CACNA2D3: variants seen among roughly 807,000 people sequenced by gnomAD.
The protein encoded by CACNA2D3 is voltage-dependent calcium channel subunit alpha-2/delta-3.
CACNA2D3 carries 60 observed loss-of-function variants against 160.6 expected under a neutral mutation model. That is an observed-to-expected ratio of 0.37 (90% CI 0.30 to 0.46). CACNA2D3 has a LOEUF of 0.46. Ranked by LOEUF, CACNA2D3 falls within the 20% of genes least tolerant of loss-of-function variation. CACNA2D3 has a pLI of 1.00. For missense variants in CACNA2D3, 1,205 were observed against 1,365.0 expected (o/e 0.88, Z 1.85); for synonymous variants, 558 against 492.9 (o/e 1.13, Z -1.75).
chr3:54,554,226 A>G (rs898413687), intron 5 of CACNA2D3, among the ~76,000 whole-genome samples: 3 of 152,148 alleles, frequency 2.0e-5, no homozygotes, highest in Admixed American at 6.5e-5. Flanking sequence ...CTTTCCACAG[A>G]CAGTAACTCT....
chr3:54,880,806 G>T lies in CACNA2D3; in HGVS notation c.1855G>T (p.Ala619Ser). 1 of 1,613,800 alleles carries T rather than the reference G, an allele frequency of 6.2e-7. No individual in the cohort carries two copies. Among genetic ancestry groups the T allele is most frequent in the Non-Finnish European group, 8.5e-7 (1 of 1,179,722 alleles). The change falls in exon 21 of 38, where the codon GCG becomes TCG. Residue 619 changes from alanine (A) to serine (S), a missense_variant. This residue lies in a region of CACNA2D3 where 911 missense variants were observed against 1,002.2 expected (regional missense o/e 0.91). Coordinates refer to ENST00000474759, the MANE Select transcript of CACNA2D3 (RefSeq NM_018398.3). ...TGTCTCTCTGCACAGTTTAGGTGTG[G>T]CGCTTTCCAGAGGTCATGGGAAATA... Reference protein sequence around the residue: ...IKGTPFSLGVALSRGHGKYFF... With the variant: ...IKGTPFSLGVSLSRGHGKYFF...
At chr3:54,472,492 C>G (rs189342523) in intron 4 of CACNA2D3, among the ~76,000 whole-genome samples, 28 of 150,950 alleles carry the variant, frequency 1.9e-4, no homozygotes, top group Admixed American at 1.8e-3. Flanking sequence ...ACACAACCCT[C>G]TCTCACCACT....
chr3:54,347,934 G>A (rs1001116422), intron 3 of CACNA2D3, among the ~76,000 whole-genome samples: 1 of 152,146 alleles, frequency 6.6e-6, no homozygotes, highest in Non-Finnish European at 1.5e-5. Flanking sequence ...TTTAATAAAT[G>A]TAATTGTATA....
chr3:54,705,043 C>T (rs763277605), intron 11 of CACNA2D3, among the ~76,000 whole-genome samples: 1 of 151,942 alleles, frequency 6.6e-6, no homozygotes, highest in Non-Finnish European at 1.5e-5. Context: ...CCAGCCCCTG[C>T]ACTGTCATCT....
At chr3:54,729,862 G>A (rs1213356249) in intron 11 of CACNA2D3, among the ~76,000 whole-genome samples, 1 of 151,948 alleles carries the variant, frequency 6.6e-6, no homozygotes, top group Non-Finnish European at 1.5e-5. Context: ...AGCTGGGCGT[G>A]ATGGCAGGCG....
intron 5 of CACNA2D3, among the ~76,000 whole-genome samples, chr3:54,550,208 A>G (rs1034926985): frequency 6.6e-6 from 1 of 152,178 alleles, no homozygotes; most frequent in African/African-American, 2.4e-5. Flanking sequence ...ACAAACGCCA[A>G]GGGTTAAGTG....
At position 54,928,246 on chromosome 3, in the gene CACNA2D3, C is replaced by G. The variant is rs139573065; in HGVS notation, c.2449+28378C>G. On this transcript the variant is annotated intron_variant, in intron 27 of 37. Coordinates refer to ENST00000474759, the MANE Select transcript of CACNA2D3 (RefSeq NM_018398.3). ...GCCGCGTAAAGAATGTTTGTCAAAC[C>G]TTGGTGAACAGCTGTAGCATTCAAA... Among the ~76,000 whole-genome samples the G allele has an allele frequency of 1.9e-3, 295 of 152,296 alleles. 3 individuals carry two copies. Among genetic ancestry groups the G allele is most frequent in the Middle Eastern group, 6.8e-3 (2 of 294 alleles).
chr3:54,470,395 A>G (rs538285187), intron 4 of CACNA2D3, among the ~76,000 whole-genome samples: 2 of 152,368 alleles, frequency 1.3e-5, no homozygotes, highest in African/African-American at 4.8e-5. Context: ...AGATTTTGTC[A>G]TCACCAGGCT....
rs544558350 is a variant in CACNA2D3, at chr3:54,540,321, A to G, written c.545-22479A>G. Among the ~76,000 whole-genome samples, 17 of 152,352 alleles carry G rather than the reference A, an allele frequency of 1.1e-4. 1 individual carries two copies. The highest frequency in any genetic ancestry group is 4.1e-4 in the African/African-American group (17 of 41,578). On this transcript the variant is annotated intron_variant, in intron 5 of 37. Transcript: ENST00000474759. ...GACTGGTAAATGTTGACCTCAAGTA[A>G]GAAACAATAGTGAACTGCGAAGCTG...
intron 3 of CACNA2D3, among the ~76,000 whole-genome samples, chr3:54,346,908 G>A (rs1423815607): frequency 1.3e-5 from 2 of 152,170 alleles, no homozygotes; most frequent in Non-Finnish European, 2.9e-5. Context: ...GGAATAAAAT[G>A]TGCACAACAT....
chr3:54,318,938 C>T (rs1703928462), intron 2 of CACNA2D3, among the ~76,000 whole-genome samples: 1 of 152,102 alleles, frequency 6.6e-6, no homozygotes, highest in Non-Finnish European at 1.5e-5. Context: ...TATCTTGCTG[C>T]TCCTAGAACA....
intron 5 of CACNA2D3, among the ~76,000 whole-genome samples, chr3:54,511,761 C>T (rs967165103): frequency 2.0e-5 from 3 of 152,182 alleles, no homozygotes; most frequent in South Asian, 2.1e-4. Context: ...CCTGGTGCCC[C>T]GACATTTGTG....
chr3:54,228,963 C>T (rs1701721645), intron 2 of CACNA2D3, among the ~76,000 whole-genome samples: 2 of 152,214 alleles, frequency 1.3e-5, no homozygotes, highest in South Asian at 2.1e-4. Context: ...GTCTCAGATA[C>T]CTCCAGGGCG....
chr3:55,022,040 T>A (rs1425375339), intron 35 of CACNA2D3, among the ~76,000 whole-genome samples: 1 of 152,092 alleles, frequency 6.6e-6, no homozygotes, highest in Non-Finnish European at 1.5e-5. Flanking sequence ...AAACCTACCT[T>A]TATTTTCAGT....
At chr3:54,512,424 A>C (rs1027348606) in intron 5 of CACNA2D3, among the ~76,000 whole-genome samples, 13 of 152,346 alleles carry the variant, frequency 8.5e-5, no homozygotes, top group Middle Eastern at 3.4e-3. Context: ...CTCAATTGTT[A>C]GTATTGTTAT....
rs188921090 is a variant in CACNA2D3 at position 55,052,922 on chromosome 3, T to C, written c.2988-20523T>C. Reference sequence around the variant, plus strand: ...AGATAGGACGTAATTGGGTTTCACCTTTTAATCCAGTATATCAATCTACCT... The same window carrying C: ...AGATAGGACGTAATTGGGTTTCACCCTTTAATCCAGTATATCAATCTACCT... On this transcript the variant is annotated intron_variant, in intron 35 of 37. Coordinates refer to ENST00000474759, the MANE Select transcript of CACNA2D3 (RefSeq NM_018398.3). Among the ~76,000 whole-genome samples the C allele has an allele frequency of 2.1e-3, 321 of 152,280 alleles. 1 individual carries two copies. The highest frequency in any genetic ancestry group is 7.6e-3 in the African/African-American group (314 of 41,578).
chr3:54,470,828 T>A (rs1266437424), intron 4 of CACNA2D3, among the ~76,000 whole-genome samples: 1 of 152,162 alleles, frequency 6.6e-6, no homozygotes, highest in Non-Finnish European at 1.5e-5. Context: ...GGGCATTACA[T>A]AATGGTAAAG....
chr3:54,138,739 G>A (rs1343198052), intron 2 of CACNA2D3, among the ~76,000 whole-genome samples: 4 of 152,148 alleles, frequency 2.6e-5, no homozygotes, highest in Admixed American at 1.3e-4. Context: ...CTGCATTTGG[G>A]GAAGTAGAGC....
At chr3:54,207,230 A>G (rs1410607227) in intron 2 of CACNA2D3, among the ~76,000 whole-genome samples, 3 of 141,392 alleles carry the variant, frequency 2.1e-5, no homozygotes, top group Non-Finnish European at 4.4e-5. Flanking sequence ...ATGCATGGCA[A>G]CAAATTAATT....
Sources: gnomAD v4.1 joint callset for allele counts (sites outside exome capture counted in the v4.1 genomes callset) on GRCh38, gnomAD v4.1.1 for gene constraint, gnomAD v4.1.1 regional missense constraint, MANE v1.5 for transcripts, NCBI Gene and HGNC (gene_info 2026-07-23, HGNC 2026-07-21) for gene names.